Variants in MAP4K5 observed in about 807,000 individuals in gnomAD.
MAP4K5 encodes the protein MAPK/ERK kinase kinase kinase 5.
MAP4K5 carries 82 observed loss-of-function variants against 135.6 expected under a neutral mutation model. That is an observed-to-expected ratio of 0.60 (90% CI 0.51 to 0.73). MAP4K5 has a LOEUF of 0.73. MAP4K5 is among the 30% of genes least tolerant of loss of function. MAP4K5 has a pLI of 0.00. For missense variants in MAP4K5, 907 were observed against 1,010.9 expected (o/e 0.90, Z 1.39); for synonymous variants, 347 against 335.0 (o/e 1.04, Z -0.39).
chr14:50,454,514 C>A (rs568895631), intron 14 of MAP4K5, among the ~76,000 whole-genome samples: 2 of 152,102 alleles, frequency 1.3e-5, no homozygotes, highest in African/African-American at 4.8e-5. Context: ...ATCAAACCAA[C>A]AAAAGCAAAG....
chr14:50,464,074 G>T lies in MAP4K5; in HGVS notation c.797C>A (p.Pro266Gln). The change falls in exon 12 of 33, where the codon CCA becomes CAA. Residue 266 changes from proline to glutamine, a missense_variant. Around this residue, in one of 3 missense-constraint regions of MAP4K5, gnomAD observed 690 missense variants for 777.4 expected, o/e 0.89. Transcript: ENST00000682126. Reference sequence around the variant, plus strand: ...TACAGTCAGAAGTCTTTCAGCAGTTGGTCTTTTTTTTGGGTTTTTGGTTAG... The same window carrying T: ...TACAGTCAGAAGTCTTTCAGCAGTTTGTCTTTTTTTTGGGTTTTTGGTTAG... ...IALTKNPKKR[P>Q]TAERLLTHTF... 1 of 1,546,474 alleles carries T rather than the reference G, an allele frequency of 6.5e-7. No individual in the cohort carries two copies. The highest frequency in any genetic ancestry group is 1.2e-5 in the South Asian group (1 of 83,956).
intron 30 of MAP4K5, 139 bp from the exon 31 acceptor site, chr14:50,426,116 ACATTTTTGT>A: frequency 2.1e-6 from 1 of 478,080 alleles, no homozygotes. Flanking sequence ...CGATTTCTCA[ACATTTTTGT>A]GGCTAAGACA....
intron 13 of MAP4K5, among the ~76,000 whole-genome samples, chr14:50,460,190 C>T (rs966996728): frequency 6.6e-6 from 1 of 152,080 alleles, no homozygotes; most frequent in Non-Finnish European, 1.5e-5. Context: ...TATGATATCC[C>T]TCCATAGCAC....
chr14:50,560,764 G>A (rs1442835407), intron 1 of MAP4K5, among the ~76,000 whole-genome samples: 1 of 152,226 alleles, frequency 6.6e-6, no homozygotes, highest in Non-Finnish European at 1.5e-5. Flanking sequence ...TGGCTCTGCA[G>A]GGCGCGGGCT....
At chr14:50,466,757 G>T in intron 10 of MAP4K5, 112 bp from the exon 11 acceptor site, 1 of 565,852 alleles carries the variant, frequency 1.8e-6, no homozygotes, top group South Asian at 2.6e-5. Context: ...GGACAATGAT[G>T]AAAACTACTA....
rs2035694439 is a variant in MAP4K5 at position 50,420,212 on chromosome 14, T to C, written c.2454-106A>G. On this transcript the variant is annotated intron_variant, in intron 32 of 32. Transcript: ENST00000682126. ...TATCATTGTTCACATTTCAGTAAGA[T>C]TACGTAAGGATCACAGACGCACAAT... is the stretch of plus-strand genomic sequence containing the variant. The C allele has an allele frequency of 8.3e-6, 6 of 722,218 alleles. No homozygotes were observed. The South Asian group carries it at 9.2e-5, about 11-fold the overall frequency. 44.7% of individuals were successfully genotyped at this position (722,218 alleles called of 1,614,324 possible).
intron 3 of MAP4K5, among the ~76,000 whole-genome samples, chr14:50,503,346 A>G (rs549991665): frequency 6.6e-6 from 1 of 152,216 alleles, no homozygotes; most frequent in African/African-American, 2.4e-5. Context: ...AGGTTGAAAT[A>G]TTACTCAATC....
At position 50,502,823 on chromosome 14, in the gene MAP4K5, A is replaced by G. The variant is rs540284595; in HGVS notation, c.166+1977T>C. The stretch of plus-strand genomic sequence containing the variant: ...CCAAGGCACTTCAAATCTGTGGATA[A>G]GAGACTGAATCTATAGTAATGGCTT... On this transcript the variant is annotated intron_variant, in intron 3 of 32. Coordinates refer to ENST00000682126, the MANE Select transcript of MAP4K5 (RefSeq NM_006575.6). 2.6e-5 allele frequency among the ~76,000 whole-genome samples: 4 copies of G among 152,258 alleles called. No individual in the cohort carries two copies. In the South Asian group the frequency reaches 8.3e-4, roughly 32 times the overall value.
chr14:50,492,340 C>T (rs2037501808), intron 3 of MAP4K5, among the ~76,000 whole-genome samples: 1 of 151,966 alleles, frequency 6.6e-6, no homozygotes, highest in Non-Finnish European at 1.5e-5. Context: ...ACGCATAATC[C>T]CAACACTTTA....
At chr14:50,473,956 C>G (rs922964629) in intron 9 of MAP4K5, among the ~76,000 whole-genome samples, 1 of 152,008 alleles carries the variant, frequency 6.6e-6, no homozygotes, top group African/African-American at 2.4e-5. Context: ...GATCTCCTGA[C>G]CTCTTGATCC....
Position 50,419,520 on chromosome 14 carries a change from A to T in MAP4K5, c.*499T>A, listed in dbSNP as rs2035677611. 2 of 153,850 alleles carry T rather than the reference A, an allele frequency of 1.3e-5. No individual in the cohort carries two copies. Among genetic ancestry groups the T allele is most frequent in the African/African-American group, 4.8e-5 (2 of 41,468 alleles). 9.5% of individuals were successfully genotyped at this position (153,850 alleles called of 1,614,324 possible). On this transcript the variant is annotated 3_prime_UTR_variant, in exon 33 of 33. Coordinates refer to ENST00000682126, the MANE Select transcript of MAP4K5 (RefSeq NM_006575.6). Reference sequence around the variant, plus strand: ...TCCTTTGCTAAAAGTTAGATACATTACACCACTCCAGCAAGAGATTAATAA... The same window carrying T: ...TCCTTTGCTAAAAGTTAGATACATTTCACCACTCCAGCAAGAGATTAATAA...
At chr14:50,423,009 A>G in intron 32 of MAP4K5, 112 bp downstream of exon 32, 1 of 520,190 alleles carries the variant, frequency 1.9e-6, no homozygotes, top group Non-Finnish European at 3.5e-6. Context: ...AATGTATCTA[A>G]GTCAATGAGC....
chr14:50,437,600 A>T, intron 25 of MAP4K5, 66 bp from the exon 26 acceptor site: 1 of 1,095,082 alleles, frequency 9.1e-7, no homozygotes, highest in Non-Finnish European at 1.3e-6. Flanking sequence ...TTTGTAAATC[A>T]GTTGCATCAG....
intron 3 of MAP4K5, among the ~76,000 whole-genome samples, chr14:50,490,675 C>A (rs1219672022): frequency 6.6e-6 from 1 of 152,130 alleles, no homozygotes; most frequent in Non-Finnish European, 1.5e-5. Flanking sequence ...CAGCCAACCC[C>A]CTAAAACAAG....
chr14:50,555,394 G>A (rs1362033390), intron 1 of MAP4K5, among the ~76,000 whole-genome samples: 3 of 152,202 alleles, frequency 2.0e-5, no homozygotes, highest in Admixed American at 2.0e-4. Context: ...CAATTCTCCT[G>A]CCTCAGCCTC....
At chr14:50,450,709 C>T (rs1373582191) in intron 14 of MAP4K5, 1 of 152,178 alleles carries the variant, frequency 6.6e-6, no homozygotes, top group Non-Finnish European at 1.5e-5. Flanking sequence ...TTCTGGAAAT[C>T]CCACAGTACC....
intron 30 of MAP4K5, 26 bp downstream of exon 30, chr14:50,428,636 T>C: frequency 7.7e-7 from 1 of 1,293,926 alleles, no homozygotes. Flanking sequence ...TATCGCAAAC[T>C]GATTTATGAA....
chr14:50,475,648 A>G (rs567463276), intron 8 of MAP4K5, among the ~76,000 whole-genome samples: 3 of 152,340 alleles, frequency 2.0e-5, no homozygotes, highest in African/African-American at 4.8e-5. Context: ...CCAAGTACAC[A>G]GTGAGCTATG....
At chr14:50,509,847 C>T (rs2037894899) in intron 2 of MAP4K5, among the ~76,000 whole-genome samples, 1 of 152,014 alleles carries the variant, frequency 6.6e-6, no homozygotes, top group African/African-American at 2.4e-5. Flanking sequence ...CACTGGACTC[C>T]TATAGAAAAC....
Sources: allele counts gnomAD v4.1 joint callset (sites outside exome capture counted in the v4.1 genomes callset), GRCh38; gene constraint gnomAD v4.1.1; regional missense constraint gnomAD v4.1.1; transcripts MANE v1.5; gene names NCBI Gene and HGNC (gene_info 2026-07-23, HGNC 2026-07-21).